Variants in PARD6G observed in about 807,000 individuals in gnomAD.
PARD6G encodes par-6 family cell polarity regulator gamma.
Under a neutral mutation model 10.7 loss-of-function variants are expected in PARD6G, and 7 were observed. That is an observed-to-expected ratio of 0.66 (90% CI 0.37 to 1.23). The LOEUF is 1.23. PARD6G is among the 50% of genes most tolerant of loss of function. The pLI, the probability that PARD6G is intolerant of heterozygous loss-of-function variation, is 0.02. For synonymous variants in PARD6G, 287 were observed against 269.4 expected, an observed-to-expected ratio of 1.07 and a Z score of -0.64; for missense variants, 548 against 571.8, an observed-to-expected ratio of 0.96 and a Z score of 0.42.
chr18:80,165,388 A>T (rs2052728876), intron 2 of PARD6G, among the ~76,000 whole-genome samples: 1 of 152,192 alleles, frequency 6.6e-6, no homozygotes, highest in South Asian at 2.1e-4. Context: ...GACAGACCTT[A>T]TGGTTGTCTT....
chr18:80,200,959 C>T lies in PARD6G; in HGVS notation c.295+1751G>A, dbSNP rs114929658. Among the ~76,000 whole-genome samples, 51 of 152,310 alleles carry T rather than the reference C, an allele frequency of 3.3e-4. No individual in the cohort carries two copies. The highest frequency in any genetic ancestry group is 9.9e-4 in the African/African-American group (41 of 41,568). On this transcript the variant is annotated intron_variant, in intron 2 of 2. Transcript: ENST00000353265. The surrounding 1 kb of genome is among the most constrained non-coding windows in gnomAD (Gnocchi z 4.4). The stretch of plus-strand genomic sequence containing the variant: ...GGGACAAAAAGACTTGTTTCCTGCA[C>T]GATGGGCAACAAAGCCTGTGCGCAC...
At chr18:80,223,675 T>C (rs1464862400) in intron 1 of PARD6G, among the ~76,000 whole-genome samples, 1 of 152,172 alleles carries the variant, frequency 6.6e-6, no homozygotes, top group African/African-American at 2.4e-5. Context: ...AAATGTTGAG[T>C]TACCATGTGA....
chr18:80,212,720 C>T (rs1967121543), intron 1 of PARD6G, among the ~76,000 whole-genome samples: 2 of 151,594 alleles, frequency 1.3e-5, no homozygotes, highest in Admixed American at 6.6e-5. Context: ...CCCATCTCTA[C>T]TAAAAAATAC....
chr18:80,243,515 C>T (rs192574265), intron 1 of PARD6G, among the ~76,000 whole-genome samples: 3 of 152,214 alleles, frequency 2.0e-5, no homozygotes, highest in South Asian at 2.1e-4. Context: ...AAATTTCCTA[C>T]GATGACACTG....
intron 2 of PARD6G, chr18:80,170,794 T>C (rs1452352125): frequency 6.6e-6 from 1 of 152,232 alleles, no homozygotes; most frequent in East Asian, 1.9e-4. Context: ...GCATAATTAT[T>C]AACTTACTTT....
chr18:80,224,638 C>G (rs564821808), intron 1 of PARD6G, among the ~76,000 whole-genome samples: 258 of 152,264 alleles, frequency 1.7e-3, no homozygotes, highest in Non-Finnish European at 1.9e-3. Context: ...ACGAGGTCAG[C>G]AGTTCAAGAC....
intron 2 of PARD6G, among the ~76,000 whole-genome samples, chr18:80,179,860 G>A (rs2052838952): frequency 6.6e-6 from 1 of 152,244 alleles, no homozygotes; most frequent in African/African-American, 2.4e-5. Flanking sequence ...AATCCAAAAC[G>A]ATCCTGAAGT....
In PARD6G at chr18:80,160,592, C is replaced by G; in HGVS notation, c.310G>C (p.Gly104Arg). 2 of 1,448,654 alleles carry G rather than the reference C, an allele frequency of 1.4e-6. No homozygotes were observed. The highest frequency in any genetic ancestry group is 1.8e-6 in the Non-Finnish European group (2 of 1,105,162). 89.7% of individuals were successfully genotyped at this position (1,448,654 alleles called of 1,614,324 possible). A position where few individuals can be genotyped will look rare whatever the true frequency, so the allele number is the denominator to read the frequency against. Residue 104 changes from glycine to arginine, a missense_variant, in exon 3 of 3, where the codon GGC (glycine) becomes CGC (arginine). Physicochemically the swap from Gly to Arg is moderately radical, Grantham distance 125. Coordinates refer to ENST00000353265, the MANE Select transcript of PARD6G (RefSeq NM_032510.4). ...CACAGCGAGCCCGCGCCGAGGCTGC[C>G]ACGCTCGGCCTCCTCTGCGGGAGAG... ...FIQKREEAER[G>R]SLGAGSLCRR...
intron 1 of PARD6G, among the ~76,000 whole-genome samples, chr18:80,216,413 C>A (rs1362416691): frequency 6.6e-6 from 1 of 151,992 alleles, no homozygotes; most frequent in Non-Finnish European, 1.5e-5. Context: ...TGAAATCATA[C>A]AAAGTATGTC....
At chr18:80,224,595 C>G (rs909350392) in intron 1 of PARD6G, among the ~76,000 whole-genome samples, 5 of 152,206 alleles carry the variant, frequency 3.3e-5, no homozygotes, top group Admixed American at 1.3e-4. Flanking sequence ...CGCCTGTAAT[C>G]CCAGCACTTT....
chr18:80,199,473 GAAT>G (rs1177468741), intron 2 of PARD6G, among the ~76,000 whole-genome samples: 3 of 152,154 alleles, frequency 2.0e-5, no homozygotes. Flanking sequence ...TGGATATTGT[GAAT>G]AATGTTACTA....
chr18:80,197,808 T>C lies in PARD6G; in HGVS notation c.295+4902A>G, dbSNP rs114073154. Among the ~76,000 whole-genome samples, 1,260 of 152,344 alleles carry C rather than the reference T, an allele frequency of 8.3e-3. 15 individuals are homozygous for C. The highest frequency in any genetic ancestry group is 0.029 in the African/African-American group (1,209 of 41,576). On this transcript the variant is annotated intron_variant, in intron 2 of 2. Transcript: ENST00000353265. ...AAGGGCCAGCTTCCCAAAACATTCC[T>C]GCACCCTTGGGGAGGCAGGGGAACA...
rs181972996 is a variant in PARD6G at position 80,185,122 on chromosome 18, G to A, written c.295+17588C>T. On this transcript the variant is annotated intron_variant, in intron 2 of 2. Transcript: ENST00000353265. ...TTCACCAAATTGGACTAAAATCGACGTTGATGAATTACAATCTGAAAGTCT... is the reference window on the plus strand; with the variant it reads ...TTCACCAAATTGGACTAAAATCGACATTGATGAATTACAATCTGAAAGTCT... Among the ~76,000 whole-genome samples, 37 of 152,302 alleles carry A rather than the reference G, an allele frequency of 2.4e-4. No individual in the cohort carries two copies. In the Middle Eastern group the frequency reaches 0.017, roughly 70 times the overall value.
rs2052681033 is a variant in PARD6G, at chr18:80,159,650, CAA to C, written c.*119_*120del. The C allele has an allele frequency of 3.1e-6, 4 of 1,286,800 alleles. No individual in the cohort carries two copies. The highest frequency in any genetic ancestry group is 3.1e-5 in the African/African-American group (2 of 64,032). The allele number at this position is 1,286,800 out of a possible 1,614,324, so 79.7% of individuals were successfully genotyped here. On this transcript the variant is annotated 3_prime_UTR_variant, in exon 3 of 3. Coordinates refer to ENST00000353265, the MANE Select transcript of PARD6G (RefSeq NM_032510.4). ...GTGTTTTTATATCCGGAAGTTGAAA[CAA>C]AGAGCAGCGTTGTTTTTGTGGTCAC...
At chr18:80,234,585 C>T (rs1174078576) in intron 1 of PARD6G, among the ~76,000 whole-genome samples, 1 of 152,060 alleles carries the variant, frequency 6.6e-6, no homozygotes, top group African/African-American at 2.4e-5. Flanking sequence ...TGACCGAGAT[C>T]ACCCCCATAG....
intron 1 of PARD6G, among the ~76,000 whole-genome samples, chr18:80,239,341 T>C (rs1327412812): frequency 6.6e-6 from 1 of 152,064 alleles, no homozygotes; most frequent in Non-Finnish European, 1.5e-5. Context: ...CAAGAGGAAG[T>C]GTGTAGGGCT....
rs945251603 is a variant in PARD6G, at chr18:80,228,427, G to T, written c.72+18850C>A. 1.3e-5 allele frequency among the ~76,000 whole-genome samples: 2 copies of T among 152,128 alleles called. No homozygotes were observed. The highest frequency in any genetic ancestry group is 4.8e-5 in the African/African-American group (2 of 41,400). ...GCCTCCTCAATCAGCTCTGCTGGGTGAGTCGCAGGCACCAAGTGCCCCTAC... is the reference window on the plus strand; with the variant it reads ...GCCTCCTCAATCAGCTCTGCTGGGTTAGTCGCAGGCACCAAGTGCCCCTAC... On this transcript the variant is annotated intron_variant, in intron 1 of 2. Coordinates refer to ENST00000353265, the MANE Select transcript of PARD6G (RefSeq NM_032510.4). The surrounding 1 kb of genome is among the most constrained non-coding windows in gnomAD (Gnocchi z 4.6).
rs956081222 is a variant in PARD6G, at chr18:80,182,003, ACTC to A, written c.295+20704_295+20706del. 2.6e-5 allele frequency among the ~76,000 whole-genome samples: 4 copies of A among 152,006 alleles called. No individual in the cohort carries two copies. Among genetic ancestry groups the A allele is most frequent in the African/African-American group, 7.3e-5 (3 of 41,356 alleles). On this transcript the variant is annotated intron_variant, in intron 2 of 2. Transcript: ENST00000353265. The surrounding 1 kb of genome is among the most constrained non-coding windows in gnomAD (Gnocchi z 4.5). Reference sequence around the variant, plus strand: ...AGAGCTCTCGCAGGCCTCGTGTTCAACTCCTCATCTTGCCACCTGCTTTTGTTA... The same window carrying A: ...AGAGCTCTCGCAGGCCTCGTGTTCAACTCATCTTGCCACCTGCTTTTGTTA...
intron 2 of PARD6G, among the ~76,000 whole-genome samples, chr18:80,177,030 C>CAG (rs1178511445): frequency 6.7e-6 from 1 of 148,306 alleles, no homozygotes; most frequent in Admixed American, 6.7e-5. Flanking sequence ...CGCGTGCACA[C>CAG]ACACACACAC....
Sources: gnomAD v4.1 joint callset for allele counts (sites outside exome capture counted in the v4.1 genomes callset) on GRCh38, gnomAD v4.1.1 for gene constraint, Gnocchi (gnomAD v3.1) non-coding constraint, MANE v1.5 for transcripts, NCBI Gene and HGNC (gene_info 2026-07-23, HGNC 2026-07-21) for gene names.